The following ANTXR1 variants were observed in gnomAD, a reference collection of about 807,000 sequenced individuals.
ANTXR1 encodes the protein ANTXR cell adhesion molecule 1.
ANTXR1 carries 19 observed loss-of-function variants against 78.1 expected under a neutral mutation model. The observed-to-expected ratio is 0.24, with a 90% CI of 0.17 to 0.36. ANTXR1 has a LOEUF of 0.36. Ranked by LOEUF, ANTXR1 falls within the 10% of genes least tolerant of loss-of-function variation. ANTXR1 has a pLI of 1.00. For synonymous variants in ANTXR1, 273 were observed against 260.5 expected, an observed-to-expected ratio of 1.05 and a Z score of -0.46; for missense variants, 518 against 718.6, an observed-to-expected ratio of 0.72 and a Z score of 3.19.
chr2:69,193,468 C>CACAT, intron 17 of ANTXR1, 53 bp downstream of exon 17: 1 of 1,106,004 alleles, frequency 9.0e-7, no homozygotes, highest in Non-Finnish European at 1.4e-6. Context: ...CTCACATACA[C>CACAT]ACACACACAC....
At chr2:69,046,590 T>A (rs1170156877) in intron 3 of ANTXR1, among the ~76,000 whole-genome samples, 1 of 152,150 alleles carries the variant, frequency 6.6e-6, no homozygotes, top group Non-Finnish European at 1.5e-5. Flanking sequence ...TGGTGACTGC[T>A]TGGCCTAGGT....
chr2:69,102,961 TG>T (rs1169066152), intron 10 of ANTXR1, 21 bp downstream of exon 10: 1 of 1,610,460 alleles, frequency 6.2e-7, no homozygotes, highest in African/African-American at 1.3e-5. Context: ...GCAGAGTCCA[TG>T]GGTTTCTTCG....
chr2:69,225,645 G>T (rs995177665), intron 17 of ANTXR1, among the ~76,000 whole-genome samples: 37 of 152,136 alleles, frequency 2.4e-4, no homozygotes, highest in African/African-American at 8.4e-4. Context: ...ATGGGTAGGG[G>T]AGAAGCAAGG....
chr2:69,066,739 T>C (rs1670410819), intron 3 of ANTXR1, among the ~76,000 whole-genome samples: 1 of 152,206 alleles, frequency 6.6e-6, no homozygotes, highest in Non-Finnish European at 1.5e-5. Context: ...AATCATTCAT[T>C]TGACAATCAC....
chr2:69,153,979 T>C (rs1050237230), intron 13 of ANTXR1, among the ~76,000 whole-genome samples: 1 of 152,184 alleles, frequency 6.6e-6, no homozygotes, highest in African/African-American at 2.4e-5. Context: ...AAGGAGTGTA[T>C]ATATATGTGC....
chr2:69,073,746 C>A (rs537020646), intron 6 of ANTXR1, among the ~76,000 whole-genome samples: 56 of 152,100 alleles, frequency 3.7e-4, no homozygotes, highest in Non-Finnish European at 6.3e-4. Flanking sequence ...TTTATACTTA[C>A]GAAATTCTTT....
chr2:69,077,071 G>A (rs531511606), intron 7 of ANTXR1, among the ~76,000 whole-genome samples: 1 of 152,348 alleles, frequency 6.6e-6, no homozygotes, highest in South Asian at 2.1e-4. Context: ...GGGTGAAGGG[G>A]AGAAAAATGA....
chr2:69,042,233 A>G (rs969656103), intron 2 of ANTXR1, among the ~76,000 whole-genome samples: 1 of 152,088 alleles, frequency 6.6e-6, no homozygotes, highest in Non-Finnish European at 1.5e-5. Context: ...CATTTTTCTA[A>G]TAATGATTCT....
chr2:69,181,961 G>T, intron 15 of ANTXR1, 80 bp downstream of exon 15: 1 of 1,381,638 alleles, frequency 7.2e-7, no homozygotes, highest in Non-Finnish European at 1.0e-6. Context: ...ACCCTGCTTA[G>T]CCTCTAGATA....
intron 17 of ANTXR1, among the ~76,000 whole-genome samples, chr2:69,217,423 A>G (rs1157370480): frequency 6.6e-6 from 1 of 152,204 alleles, no homozygotes; most frequent in African/African-American, 2.4e-5. Context: ...ACATCAACTC[A>G]GGGCTCAAGA....
chr2:69,028,954 C>T (rs1394522780), intron 1 of ANTXR1, among the ~76,000 whole-genome samples: 2 of 152,028 alleles, frequency 1.3e-5, no homozygotes, highest in East Asian at 3.9e-4. Flanking sequence ...CGATGGCTCT[C>T]ACCTGTAATC....
chr2:69,052,389 A>G (rs1388356013), intron 3 of ANTXR1, among the ~76,000 whole-genome samples: 1 of 152,092 alleles, frequency 6.6e-6, no homozygotes, highest in Non-Finnish European at 1.5e-5. Context: ...AAATATTTCC[A>G]TTGAATATAA....
chr2:69,172,263 A>T, intron 14 of ANTXR1: 2 of 888,692 alleles, frequency 2.3e-6, no homozygotes, highest in Non-Finnish European at 3.7e-6. Flanking sequence ...TAAACATTGT[A>T]CTTTTTAGCA....
rs1220760024 is a variant in ANTXR1 at position 69,201,101 on chromosome 2, CTCGAGGAACAGGGA to C, written c.1434+7687_1434+7700del. The stretch of plus-strand genomic sequence containing the variant: ...TTAATGAATGAGCCCTGTCCCTGCC[CTCGAGGAACAGGGA>C]CAAACAGGAAGCTCCCAAACACTGC... On this transcript the variant is annotated intron_variant, in intron 17 of 17. Coordinates refer to ENST00000303714, the MANE Select transcript of ANTXR1 (RefSeq NM_032208.3). Among the ~76,000 whole-genome samples the C allele has an allele frequency of 7.2e-5, 11 of 152,242 alleles. No individual in the cohort carries two copies. In the East Asian group the frequency reaches 2.1e-3, roughly 29 times the overall value.
intron 17 of ANTXR1, among the ~76,000 whole-genome samples, chr2:69,225,514 T>C (rs921737862): frequency 6.6e-6 from 1 of 152,132 alleles, no homozygotes; most frequent in African/African-American, 2.4e-5. Context: ...TAAAAATACA[T>C]ATATCAGACC....
chr2:69,176,870 T>C (rs1674137109), intron 14 of ANTXR1, among the ~76,000 whole-genome samples: 1 of 152,250 alleles, frequency 6.6e-6, no homozygotes, highest in Non-Finnish European at 1.5e-5. Context: ...CTGGGAGTTG[T>C]AAGCCTTCTT....
intron 3 of ANTXR1, among the ~76,000 whole-genome samples, chr2:69,046,180 C>T (rs534667714): frequency 6.6e-6 from 1 of 152,286 alleles, no homozygotes; most frequent in African/African-American, 2.4e-5. Flanking sequence ...CTCCTACAAC[C>T]CGAGGCTTCC....
intron 13 of ANTXR1, among the ~76,000 whole-genome samples, chr2:69,163,393 C>G (rs998261389): frequency 2.6e-5 from 4 of 152,152 alleles, no homozygotes; most frequent in Non-Finnish European, 5.9e-5. Flanking sequence ...GGCATTACCT[C>G]CTTTTCTTCA....
Position 69,247,059 on chromosome 2 carries a change from A to T in ANTXR1, c.*1574A>T, listed in dbSNP as rs1676037270. The stretch of plus-strand genomic sequence containing the variant: ...ACAGAGATATAAGGGCCTGGGATGC[A>T]TTTATTTTATCAATACCAATTTTTG... On this transcript the variant is annotated 3_prime_UTR_variant, in exon 18 of 18. Coordinates refer to ENST00000303714, the MANE Select transcript of ANTXR1 (RefSeq NM_032208.3). 6.6e-6 allele frequency: 1 copy of T among 152,340 alleles called. No homozygotes were observed. The highest frequency in any genetic ancestry group is 6.5e-5 in the Admixed American group (1 of 15,276). The allele number at this position is 152,340 out of a possible 1,614,324, so 9.4% of individuals were successfully genotyped here. A position where few individuals can be genotyped will look rare whatever the true frequency, so the allele number is the denominator to read the frequency against.
Sources: gnomAD v4.1 joint callset for allele counts (sites outside exome capture counted in the v4.1 genomes callset) on GRCh38, gnomAD v4.1.1 for gene constraint, MANE v1.5 for transcripts, NCBI Gene and HGNC (gene_info 2026-07-23, HGNC 2026-07-21) for gene names.